The following SH3RF2 variants were observed in gnomAD, a reference collection of about 807,000 sequenced individuals.
SH3RF2 encodes E3 ubiquitin-protein ligase SH3RF2.
In SH3RF2, 43 loss-of-function variants were observed where a neutral mutation model predicts 59.0. The ratio of observed to expected loss-of-function variants is 0.73; its 90% confidence interval spans 0.57 to 0.94. The LOEUF (loss-of-function observed/expected upper bound fraction) is 0.94. Ranked by LOEUF, SH3RF2 falls within the 40% of genes least tolerant of loss-of-function variation. SH3RF2 has a pLI of 0.00. For missense variants in SH3RF2, 930 were observed against 940.1 expected, an observed-to-expected ratio of 0.99 and a Z score of 0.14; for synonymous variants, 391 against 391.5, an observed-to-expected ratio of 1.00 and a Z score of 0.01.
rs774392526 is a variant in SH3RF2, at chr5:146,004,057, G to C, written c.649-1G>C. On this transcript the variant is annotated splice_acceptor_variant, in intron 3 of 9. Coordinates refer to ENST00000359120, the MANE Select transcript of SH3RF2 (RefSeq NM_152550.4). LOFTEE classifies it high-confidence loss of function. ...GCTGACCATGAGACTTTCTCTTTCA[G>C]GACGATATCATCACTGTGATCAGCC... 1 of 1,611,312 alleles carries C rather than the reference G, an allele frequency of 6.2e-7. No homozygotes were observed. The highest frequency in any genetic ancestry group is 1.7e-4 in the Middle Eastern group (1 of 6,036).
In SH3RF2 at chr5:146,000,155, A is replaced by G. The variant is rs1760343292; in HGVS notation, c.476A>G (p.Asp159Gly). Reference protein sequence around the residue: ...GDIILLRRQLDENWYQGEING... With the variant: ...GDIILLRRQLGENWYQGEING... Reference sequence around the variant, plus strand: ...ATCATCCTTCTCCGGAGACAGCTTGATGAGAATTGGTACCAGGGGGAAATC... The same window carrying G: ...ATCATCCTTCTCCGGAGACAGCTTGGTGAGAATTGGTACCAGGGGGAAATC... Residue 159 changes from aspartate (D) to glycine (G), a missense_variant, in exon 3 of 10, where the codon GAT becomes GGT. Asp to Gly is a moderately conservative substitution (Grantham distance 94). Coordinates refer to ENST00000359120, the MANE Select transcript of SH3RF2 (RefSeq NM_152550.4). 1 of 1,613,982 alleles carries G rather than the reference A, an allele frequency of 6.2e-7. No individual in the cohort carries two copies. The highest frequency in any genetic ancestry group is 8.5e-7 in the Non-Finnish European group (1 of 1,179,926).
rs561479757 is a variant in SH3RF2 at position 145,995,686 on chromosome 5, G to A, written c.379-4372G>A. On this transcript the variant is annotated intron_variant, in intron 2 of 9. Coordinates refer to ENST00000359120, the MANE Select transcript of SH3RF2 (RefSeq NM_152550.4). ...ACAGCTAAGCACTTAGAAAAAAAGCGTTTTTTCAATATTCAAAAATCTCAC... is the reference window on the plus strand; with the variant it reads ...ACAGCTAAGCACTTAGAAAAAAAGCATTTTTTCAATATTCAAAAATCTCAC... Among the ~76,000 whole-genome samples the A allele has an allele frequency of 3.7e-4, 56 of 152,066 alleles. 1 individual carries two copies. The East Asian group carries it at 5.2e-3, about 14-fold the overall frequency.
intron 9 of SH3RF2, among the ~76,000 whole-genome samples, chr5:146,073,334 A>G (rs1191154317): frequency 6.6e-6 from 1 of 152,268 alleles, no homozygotes; most frequent in Non-Finnish European, 1.5e-5. Flanking sequence ...CAAGCACATT[A>G]GTGTTGCCCC....
At chr5:146,039,283 A>G (rs1762047420) in intron 5 of SH3RF2, among the ~76,000 whole-genome samples, 1 of 152,228 alleles carries the variant, frequency 6.6e-6, no homozygotes, top group Non-Finnish European at 1.5e-5. Flanking sequence ...TAGGAAATAT[A>G]TTGTGAATTT....
At chr5:145,974,300 T>C (rs559184798) in intron 2 of SH3RF2, among the ~76,000 whole-genome samples, 43 of 152,316 alleles carry the variant, frequency 2.8e-4, no homozygotes, top group African/African-American at 9.9e-4. Context: ...AGGGTAGTGA[T>C]ATCTCATCAC....
At chr5:146,009,176 T>C (rs1484921778) in intron 4 of SH3RF2, among the ~76,000 whole-genome samples, 1 of 152,206 alleles carries the variant, frequency 6.6e-6, no homozygotes, top group African/African-American at 2.4e-5. Context: ...AGATGCTAAG[T>C]ATGTGTTTAA....
At chr5:146,079,476 AT>A (rs1206695609) in exon 10 of SH3RF2, 1 of 152,218 alleles carries the variant, frequency 6.6e-6, no homozygotes. Context: ...TGCTCTGATT[AT>A]CAAAGACAAT....
chr5:146,016,361 T>C (rs1356661019), intron 5 of SH3RF2, among the ~76,000 whole-genome samples: 4 of 139,396 alleles, frequency 2.9e-5, no homozygotes, highest in African/African-American at 1.3e-4. Context: ...AGTAGATGGA[T>C]GGATGGATGG....
intron 5 of SH3RF2, among the ~76,000 whole-genome samples, chr5:146,039,209 A>G (rs1381811229): frequency 2.0e-5 from 3 of 152,208 alleles, no homozygotes; most frequent in Non-Finnish European, 2.9e-5. Flanking sequence ...ACAGTATAGA[A>G]GTATATCCTT....
chr5:146,074,778 C>CTCTCTG (rs1763309635), intron 9 of SH3RF2, among the ~76,000 whole-genome samples: 1 of 151,060 alleles, frequency 6.6e-6, no homozygotes. Context: ...TCTGCCCTCT[C>CTCTCTG]TCTCTCTCTC....
intron 4 of SH3RF2, among the ~76,000 whole-genome samples, chr5:146,011,207 T>C (rs1760876796): frequency 6.6e-6 from 1 of 152,190 alleles, no homozygotes; most frequent in African/African-American, 2.4e-5. Context: ...TGGTGTTACT[T>C]CTGAGGCCTC....
intron 2 of SH3RF2, among the ~76,000 whole-genome samples, chr5:145,963,142 C>T (rs1758698382): frequency 6.6e-6 from 1 of 151,940 alleles, no homozygotes; most frequent in African/African-American, 2.4e-5. Flanking sequence ...CATAATCCAC[C>T]CACCTCGGCC....
intron 2 of SH3RF2, among the ~76,000 whole-genome samples, chr5:145,974,117 G>C (rs946628655): frequency 6.6e-6 from 1 of 152,158 alleles, no homozygotes; most frequent in Non-Finnish European, 1.5e-5. Context: ...CCTTGTGGCT[G>C]TAAAACTGAG....
chr5:146,047,847 C>T lies in SH3RF2; in HGVS notation c.1135C>T (p.His379Tyr), dbSNP rs538541147. 6.2e-7 allele frequency: 1 copy of T among 1,614,064 alleles called. No homozygotes were observed. The highest frequency in any genetic ancestry group is 8.5e-7 in the Non-Finnish European group (1 of 1,180,004). ...GGTCAGTCTGCCTGGCTCCCAGCAACACCTCTCAGCGAACATGTGAGTAAA... is the reference window on the plus strand; with the variant it reads ...GGTCAGTCTGCCTGGCTCCCAGCAATACCTCTCAGCGAACATGTGAGTAAA... ...AVVSLPGSQQ[H>Y]LSANMFVALH... The change falls in exon 6 of 10, where the codon CAC becomes TAC. Residue 379 changes from histidine (H) to tyrosine (Y), a missense_variant. Transcript: ENST00000359120.
At chr5:146,049,302 A>C (rs1282373563) in intron 7 of SH3RF2, 57 bp downstream of exon 7, 2 of 1,540,240 alleles carry the variant, frequency 1.3e-6, no homozygotes, top group Admixed American at 3.9e-5. Flanking sequence ...GCCAGGGGCC[A>C]TCTGTGGGTT....
At chr5:146,073,824 G>A (rs1222872875) in intron 9 of SH3RF2, among the ~76,000 whole-genome samples, 2 of 152,122 alleles carry the variant, frequency 1.3e-5, no homozygotes, top group Non-Finnish European at 2.9e-5. Context: ...CAGATGTTAT[G>A]AAAGAAACAA....
chr5:146,031,061 G>A (rs1761725351), intron 5 of SH3RF2, among the ~76,000 whole-genome samples: 1 of 152,178 alleles, frequency 6.6e-6, no homozygotes, highest in Non-Finnish European at 1.5e-5. Flanking sequence ...CCACTTCTGA[G>A]GTCCCTAATG....
chr5:146,026,530 T>C (rs548809023), intron 5 of SH3RF2, among the ~76,000 whole-genome samples: 2 of 152,176 alleles, frequency 1.3e-5, no homozygotes, highest in Non-Finnish European at 2.9e-5. Flanking sequence ...GAGCTGTTTC[T>C]ATTATTTAAT....
At chr5:146,077,163 T>A (rs1561778306) in intron 9 of SH3RF2, among the ~76,000 whole-genome samples, 1 of 152,298 alleles carries the variant, frequency 6.6e-6, no homozygotes, top group Non-Finnish European at 1.5e-5. Flanking sequence ...ATCGAACTTC[T>A]GTTATGTGCA....
Sources: gnomAD v4.1 joint callset for allele counts (sites outside exome capture counted in the v4.1 genomes callset) on GRCh38, gnomAD v4.1.1 for gene constraint, MANE v1.5 for transcripts, NCBI Gene and HGNC (gene_info 2026-07-23, HGNC 2026-07-21) for gene names.